SHISA6: variants seen among roughly 807,000 people sequenced by gnomAD.
The protein encoded by SHISA6 is shisa family member 6, also known as protein shisa-6.
A neutral mutation model predicts 47.9 loss-of-function variants in SHISA6; 22 were observed. The observed-to-expected ratio is 0.46, with a 90% confidence interval of 0.33 to 0.66. The LOEUF is 0.66. Ranked by LOEUF, SHISA6 falls within the 30% of genes least tolerant of loss-of-function variation. SHISA6 has a pLI of 0.02. For synonymous variants in SHISA6, 388 were observed against 337.8 expected, an observed-to-expected ratio of 1.15 and a Z score of -1.63; for missense variants, 680 against 764.6, an observed-to-expected ratio of 0.89 and a Z score of 1.30.
At chr17:11,502,946 G>C (rs1030421432) in intron 3 of SHISA6, among the ~76,000 whole-genome samples, 1 of 152,160 alleles carries the variant, frequency 6.6e-6, no homozygotes, top group East Asian at 1.9e-4. Flanking sequence ...TAATTTCAGG[G>C]TCGGGTCTTT....
rs146751996 is a variant in SHISA6 at position 11,470,272 on chromosome 17, C to T, written c.896-81624C>T. On this transcript the variant is annotated intron_variant, in intron 3 of 5. Transcript: ENST00000441885. ...AACTTAGAGCAAAGCCTCTACTGCCCTCTGTTCACACAGCTGGACCAACTC... is the reference window on the plus strand; with the variant it reads ...AACTTAGAGCAAAGCCTCTACTGCCTTCTGTTCACACAGCTGGACCAACTC... Among the ~76,000 whole-genome samples, 736 of 152,332 alleles carry T rather than the reference C, an allele frequency of 4.8e-3. 1 individual carries two copies. Among genetic ancestry groups the T allele is most frequent in the Non-Finnish European group, 8.1e-3 (550 of 68,028 alleles).
At chr17:11,551,570 C>T (rs79782670) in intron 3 of SHISA6, among the ~76,000 whole-genome samples, 237 of 152,224 alleles carry the variant, frequency 1.6e-3, no homozygotes, top group African/African-American at 5.4e-3. Flanking sequence ...TGTCCATGCA[C>T]GCATGCATGC....
intron 3 of SHISA6, among the ~76,000 whole-genome samples, chr17:11,545,169 A>G (rs1330639484): frequency 6.6e-6 from 1 of 150,430 alleles, no homozygotes; most frequent in Non-Finnish European, 1.5e-5. Context: ...AAAAAAAAGT[A>G]TGATACATCC....
intron 2 of SHISA6, among the ~76,000 whole-genome samples, chr17:11,306,913 A>G (rs1196628757): frequency 6.6e-6 from 1 of 152,176 alleles, no homozygotes; most frequent in African/African-American, 2.4e-5. Context: ...GTTGGTGGAA[A>G]GGGAAGGCAA....
At chr17:11,247,457 C>G (rs1907635068) in intron 1 of SHISA6, among the ~76,000 whole-genome samples, 1 of 152,168 alleles carries the variant, frequency 6.6e-6, no homozygotes, top group African/African-American at 2.4e-5. Flanking sequence ...CCCTGCTGCC[C>G]TCTCCCCATT....
chr17:11,482,947 C>A (rs1916256427), intron 3 of SHISA6, among the ~76,000 whole-genome samples: 1 of 151,806 alleles, frequency 6.6e-6, no homozygotes. Flanking sequence ...AAAAACAAAA[C>A]AAAACATGGT....
intron 3 of SHISA6, among the ~76,000 whole-genome samples, chr17:11,397,874 C>T (rs1305129886): frequency 6.6e-6 from 1 of 152,058 alleles, no homozygotes; most frequent in African/African-American, 2.4e-5. Flanking sequence ...AGTGTCATAT[C>T]CAAGGGAGAT....
intron 2 of SHISA6, among the ~76,000 whole-genome samples, chr17:11,369,444 C>G (rs77619423): frequency 6.6e-6 from 1 of 152,340 alleles, no homozygotes; most frequent in East Asian, 1.9e-4. Flanking sequence ...AGTTAAAACT[C>G]ATTCATTTGG....
At chr17:11,471,640 A>G (rs1450194531) in intron 3 of SHISA6, among the ~76,000 whole-genome samples, 3 of 152,138 alleles carry the variant, frequency 2.0e-5, no homozygotes, top group Non-Finnish European at 4.4e-5. Flanking sequence ...GTCATCTACT[A>G]CAGTCAGTAA....
intron 3 of SHISA6, among the ~76,000 whole-genome samples, chr17:11,483,595 C>T (rs1462710352): frequency 6.6e-6 from 1 of 152,122 alleles, no homozygotes; most frequent in East Asian, 1.9e-4. Context: ...AAGTGATAAA[C>T]CACTTAGAGT....
intron 2 of SHISA6, among the ~76,000 whole-genome samples, chr17:11,354,262 G>T (rs565956789): frequency 6.6e-6 from 1 of 152,280 alleles, no homozygotes; most frequent in East Asian, 1.9e-4. Context: ...GATTCAGTAG[G>T]CCCAGGGTGG....
chr17:11,326,229 C>T (rs575749765), intron 2 of SHISA6, among the ~76,000 whole-genome samples: 153 of 151,198 alleles, frequency 1.0e-3, no homozygotes, highest in African/African-American at 3.4e-3. Flanking sequence ...CGAGATCGTA[C>T]CACTGCACTC....
chr17:11,328,128 GA>G (rs1314011209), intron 2 of SHISA6, among the ~76,000 whole-genome samples: 1 of 152,162 alleles, frequency 6.6e-6, no homozygotes, highest in Non-Finnish European at 1.5e-5. Flanking sequence ...ATCAAATGGA[GA>G]TACAAAAACT....
At position 11,559,234 on chromosome 17, in the gene SHISA6, C is replaced by G. The variant is rs115625344; in HGVS notation, c.*930C>G. ...TCTAGACCTGACCATGACTGCCACTCAGGCTGCCTTCTCCACCCCTGCTCT... is the reference window on the plus strand; with the variant it reads ...TCTAGACCTGACCATGACTGCCACTGAGGCTGCCTTCTCCACCCCTGCTCT... On this transcript the variant is annotated 3_prime_UTR_variant, in exon 6 of 6. Coordinates refer to ENST00000441885, the MANE Select transcript of SHISA6 (RefSeq NM_207386.4). The surrounding 1 kb of genome is among the most constrained non-coding windows in gnomAD (Gnocchi z 4.4). 6.6e-6 allele frequency: 1 copy of G among 152,596 alleles called. No individual in the cohort carries two copies. The highest frequency in any genetic ancestry group is 6.5e-5 in the Admixed American group (1 of 15,288). The allele number at this position is 152,596 out of a possible 1,614,324, so 9.5% of individuals were successfully genotyped here.
At chr17:11,321,429 A>G (rs929907188) in intron 2 of SHISA6, among the ~76,000 whole-genome samples, 2 of 152,202 alleles carry the variant, frequency 1.3e-5, no homozygotes, top group African/African-American at 4.8e-5. Context: ...AACCAACAAT[A>G]TTAGTCAGGG....
intron 1 of SHISA6, among the ~76,000 whole-genome samples, chr17:11,255,182 C>A (rs184999443): frequency 6.6e-6 from 1 of 152,324 alleles, no homozygotes; most frequent in East Asian, 1.9e-4. Flanking sequence ...GAATGACAGG[C>A]TGAATACATG....
At chr17:11,291,239 G>T (rs1430278895) in intron 2 of SHISA6, among the ~76,000 whole-genome samples, 3 of 151,500 alleles carry the variant, frequency 2.0e-5, no homozygotes, top group Non-Finnish European at 4.4e-5. Context: ...TTAAAATAGA[G>T]GATGCGATCA....
Position 11,460,598 on chromosome 17 carries a change from T to C in SHISA6, c.895+81089T>C, listed in dbSNP as rs563434204. On this transcript the variant is annotated intron_variant, in intron 3 of 5. Transcript: ENST00000441885. Reference sequence around the variant, plus strand: ...TAGAGACAGGGTTTCTCCATGTTGGTCAGGCTGGTCTCGAACTCCTGCCCT... The same window carrying C: ...TAGAGACAGGGTTTCTCCATGTTGGCCAGGCTGGTCTCGAACTCCTGCCCT... Among the ~76,000 whole-genome samples, 6 of 152,156 alleles carry C rather than the reference T, an allele frequency of 3.9e-5. No homozygotes were observed. In the East Asian group the frequency reaches 1.2e-3, roughly 29 times the overall value.
chr17:11,373,267 G>C (rs547385766), intron 2 of SHISA6, among the ~76,000 whole-genome samples: 1 of 151,738 alleles, frequency 6.6e-6, no homozygotes, highest in Non-Finnish European at 1.5e-5. Flanking sequence ...ACTCTTTGTG[G>C]CCTTTATTCT....
Sources: gnomAD v4.1 joint callset for allele counts (sites outside exome capture counted in the v4.1 genomes callset) on GRCh38, gnomAD v4.1.1 for gene constraint, Gnocchi (gnomAD v3.1) non-coding constraint, MANE v1.5 for transcripts, NCBI Gene and HGNC (gene_info 2026-07-23, HGNC 2026-07-21) for gene names.